Variants in MYT1L observed in about 807,000 individuals in gnomAD.
MYT1L encodes the protein myelin transcription factor 1-like protein.
A neutral mutation model predicts 126.7 loss-of-function variants in MYT1L; 12 were observed. The ratio of observed to expected loss-of-function variants is 0.09; its 90% CI spans 0.06 to 0.15. The LOEUF is 0.15. Ranked by LOEUF, MYT1L falls within the 10% of genes least tolerant of loss-of-function variation. The pLI is 1.00. For synonymous variants in MYT1L, 541 were observed against 604.2 expected, an observed-to-expected ratio of 0.90 and a Z score of 1.53; for missense variants, 979 against 1,585.2, an observed-to-expected ratio of 0.62 and a Z score of 6.49.
At chr2:2,024,045 T>C (rs2065292266) in intron 4 of MYT1L, among the ~76,000 whole-genome samples, 1 of 152,236 alleles carries the variant, frequency 6.6e-6, no homozygotes, top group Non-Finnish European at 1.5e-5. Flanking sequence ...CGTTGATTTT[T>C]AAAATACTTC....
intron 14 of MYT1L, among the ~76,000 whole-genome samples, chr2:1,902,374 C>T (rs1338575556): frequency 6.6e-6 from 1 of 152,252 alleles, no homozygotes; most frequent in Non-Finnish European, 1.5e-5. Context: ...GAAGCTACGG[C>T]TCTGCCGGCA....
chr2:1,792,267 GGCTGTGC>G, intron 24 of MYT1L, 47 bp downstream of exon 24: 4 of 1,539,560 alleles, frequency 2.6e-6, no homozygotes, highest in Non-Finnish European at 3.5e-6. Flanking sequence ...ATCTACTTTA[GGCTGTGC>G]GCTGTGGAGG....
chr2:2,295,897 AAGAG>A (rs925876261), intron 1 of MYT1L, among the ~76,000 whole-genome samples: 9 of 145,458 alleles, frequency 6.2e-5, no homozygotes, highest in Non-Finnish European at 1.2e-4. Context: ...AAAGCAGAGA[AAGAG>A]AGAGAATAAT....
chr2:1,825,191 A>G (rs2039131541), intron 21 of MYT1L: 1 of 152,136 alleles, frequency 6.6e-6, no homozygotes. Context: ...CAGGGCTGGG[A>G]GCCGGGAAGG....
intron 2 of MYT1L, among the ~76,000 whole-genome samples, chr2:2,183,296 G>A (rs1167581700): frequency 1.3e-5 from 2 of 152,114 alleles, no homozygotes; most frequent in East Asian, 1.9e-4. Flanking sequence ...AGTAGACCAC[G>A]AGAGAGCTGC....
intron 4 of MYT1L, among the ~76,000 whole-genome samples, chr2:2,033,095 G>C (rs1229376101): frequency 8.2e-6 from 1 of 122,634 alleles, no homozygotes; most frequent in African/African-American, 3.2e-5. Context: ...GCCCAGAGCA[G>C]ATTCTAGAAG....
intron 3 of MYT1L, among the ~76,000 whole-genome samples, chr2:2,084,732 C>T (rs138302499): frequency 2.6e-5 from 4 of 152,314 alleles, no homozygotes; most frequent in African/African-American, 9.6e-5. Context: ...CCTACAGACA[C>T]TGTGAGATAC....
intron 2 of MYT1L, among the ~76,000 whole-genome samples, chr2:2,251,669 A>G (rs2094653531): frequency 6.6e-6 from 1 of 152,184 alleles, no homozygotes. Flanking sequence ...ATTCCAAGCT[A>G]CTAGTTGACA....
chr2:1,931,045 A>T (rs2054897552), intron 9 of MYT1L, among the ~76,000 whole-genome samples: 1 of 152,136 alleles, frequency 6.6e-6, no homozygotes, highest in Non-Finnish European at 1.5e-5. Context: ...GTGCAGGTCC[A>T]TGGTCCTGTC....
chr2:2,126,048 C>T (rs1001851148), intron 3 of MYT1L, among the ~76,000 whole-genome samples: 1 of 152,200 alleles, frequency 6.6e-6, no homozygotes, highest in African/African-American at 2.4e-5. Context: ...ATGGCTAACC[C>T]AGGCTCCAGG....
chr2:2,062,054 G>A (rs558468792), intron 3 of MYT1L, among the ~76,000 whole-genome samples: 6 of 152,274 alleles, frequency 3.9e-5, no homozygotes, highest in African/African-American at 7.2e-5. Flanking sequence ...GAACTTCCAC[G>A]TCTCATCTAG....
chr2:2,247,350 T>C (rs906575702), intron 2 of MYT1L, among the ~76,000 whole-genome samples: 1 of 152,184 alleles, frequency 6.6e-6, no homozygotes, highest in African/African-American at 2.4e-5. Flanking sequence ...CATATATATA[T>C]GCTCCCAACA....
chr2:2,146,915 T>C (rs1281088690), intron 3 of MYT1L, among the ~76,000 whole-genome samples: 1 of 152,170 alleles, frequency 6.6e-6, no homozygotes, highest in African/African-American at 2.4e-5. Context: ...AGGCTTTTTG[T>C]CCATTTGTTC....
chr2:2,141,131 C>T (rs1290768768), intron 3 of MYT1L, among the ~76,000 whole-genome samples: 1 of 152,130 alleles, frequency 6.6e-6, no homozygotes, highest in East Asian at 1.9e-4. Context: ...ATTTCATCCA[C>T]AAAGAGATAA....
At chr2:2,185,941 G>A (rs1180909215) in intron 2 of MYT1L, among the ~76,000 whole-genome samples, 3 of 120,582 alleles carry the variant, frequency 2.5e-5, no homozygotes, top group South Asian at 2.6e-4. Context: ...TCTGTGAGGC[G>A]GACGCAGCCG....
At chr2:1,959,785 A>G (rs914682335) in intron 8 of MYT1L, among the ~76,000 whole-genome samples, 1 of 152,168 alleles carries the variant, frequency 6.6e-6, no homozygotes, top group African/African-American at 2.4e-5. Context: ...CGCATGGGAC[A>G]CGGTCCTCTG....
At chr2:2,273,111 G>A (rs947916895) in intron 2 of MYT1L, among the ~76,000 whole-genome samples, 1 of 152,072 alleles carries the variant, frequency 6.6e-6, no homozygotes, top group Non-Finnish European at 1.5e-5. Flanking sequence ...TGCCCCCAGC[G>A]GGCTGTATCC....
chr2:1,889,420 T>G lies in MYT1L; in HGVS notation c.2341A>C (p.Arg781=). 1 of 1,613,500 alleles carries G rather than the reference T, an allele frequency of 6.2e-7. No homozygotes were observed. Among genetic ancestry groups the G allele is most frequent in the Non-Finnish European group, 8.5e-7 (1 of 1,179,596 alleles). ...GTLDLSMNKQ[R]PRDSCCPILT... ...ATGGGGCAGCAGCTGTCCCGCGGCC[T>G]CTGCTTGTTCATGCTGAGGTCCAGG... Residue 781 remains arginine (R), a synonymous_variant, in exon 16 of 25, where the codon AGG becomes CGG. Transcript: ENST00000647738. The surrounding 1 kb of genome is among the most constrained non-coding windows in gnomAD (Gnocchi z 4.1).
intron 5 of MYT1L, among the ~76,000 whole-genome samples, chr2:1,981,030 T>C (rs1341509935): frequency 1.3e-5 from 2 of 151,974 alleles, no homozygotes; most frequent in Non-Finnish European, 2.9e-5. Flanking sequence ...ATTAGATGCC[T>C]GTGGCTCTAT....
Sources: gnomAD v4.1 joint callset for allele counts (sites outside exome capture counted in the v4.1 genomes callset) on GRCh38, gnomAD v4.1.1 for gene constraint, Gnocchi (gnomAD v3.1) non-coding constraint, MANE v1.5 for transcripts, NCBI Gene and HGNC (gene_info 2026-07-23, HGNC 2026-07-21) for gene names.